ACSS3: variants seen among roughly 807,000 people sequenced by gnomAD.
The protein encoded by ACSS3 is acyl-CoA synthetase short chain family member 3.
In ACSS3, 64 loss-of-function variants were observed where a neutral mutation model predicts 84.2. The observed-to-expected ratio is 0.76, with a 90% CI of 0.62 to 0.94. The LOEUF is 0.94. ACSS3 is among the 40% of genes least tolerant of loss of function. The pLI is 0.00. For missense variants in ACSS3, 815 were observed against 867.6 expected (o/e 0.94, Z 0.76); for synonymous variants, 317 against 310.1 (o/e 1.02, Z -0.23).
chr12:81,223,321 C>T (rs994591659), intron 11 of ACSS3, among the ~76,000 whole-genome samples: 2 of 152,008 alleles, frequency 1.3e-5, no homozygotes, highest in Admixed American at 1.3e-4. Flanking sequence ...TAGTGCCTGA[C>T]AATTTCTCAT....
At position 81,171,982 on chromosome 12, in the gene ACSS3, C is replaced by T. The variant is rs1004715204; in HGVS notation, c.1099-2806C>T. 7.2e-5 allele frequency among the ~76,000 whole-genome samples: 11 copies of T among 152,074 alleles called. No individual in the cohort carries two copies. In the South Asian group the frequency reaches 1.7e-3, roughly 23 times the overall value. On this transcript the variant is annotated intron_variant, in intron 7 of 15. Coordinates refer to ENST00000548058, the MANE Select transcript of ACSS3 (RefSeq NM_024560.4). The stretch of plus-strand genomic sequence containing the variant: ...TAAATATATCTAAATATAGAAAAAG[C>T]GCAGTAAAACTATGGTATCACGCCT...
chr12:81,107,511 C>CACACACACACATAT (rs1403415163), intron 1 of ACSS3, among the ~76,000 whole-genome samples: 1 of 38,828 alleles, frequency 2.6e-5, no homozygotes, highest in African/African-American at 8.5e-5. Context: ...CAAATATATA[C>CACACACACACATAT]ATATATATAT....
At chr12:81,238,539 T>A (rs1007885461) in intron 13 of ACSS3, among the ~76,000 whole-genome samples, 19 of 151,846 alleles carry the variant, frequency 1.3e-4, no homozygotes, top group Non-Finnish European at 1.2e-4. Context: ...TTGATCTAAT[T>A]TTTAATAAAT....
In ACSS3 at chr12:81,245,798, A is replaced by AT. The variant is rs1008458411; in HGVS notation, c.1720-7501dup. Among the ~76,000 whole-genome samples the AT allele has an allele frequency of 1.4e-3, 213 of 151,564 alleles. 3 individuals are homozygous for AT. The highest frequency in any genetic ancestry group is 0.014 in the Admixed American group (209 of 15,238). On this transcript the variant is annotated intron_variant, in intron 13 of 15. Coordinates refer to ENST00000548058, the MANE Select transcript of ACSS3 (RefSeq NM_024560.4). ...AGAATTGTTTCTGTTATTGTTTTTTATTTTTTTTCAGTTTGTTTAACTTTC... is the reference window on the plus strand; with the variant it reads ...AGAATTGTTTCTGTTATTGTTTTTTATTTTTTTTTCAGTTTGTTTAACTTTC...
At chr12:81,078,814 C>T (rs1005063056) in intron 1 of ACSS3, among the ~76,000 whole-genome samples, 4 of 152,150 alleles carry the variant, frequency 2.6e-5, no homozygotes, top group Non-Finnish European at 5.9e-5. Flanking sequence ...AACTAAGTAT[C>T]CTCCTACTAT....
intron 1 of ACSS3, among the ~76,000 whole-genome samples, chr12:81,080,114 T>A (rs545869612): frequency 6.6e-6 from 1 of 152,218 alleles, no homozygotes; most frequent in South Asian, 2.1e-4. Context: ...TGCAGAGAAT[T>A]CAGTTAAGAA....
chr12:81,253,710 T>C (rs2034221323), intron 15 of ACSS3, 40 bp downstream of exon 15: 2 of 1,578,346 alleles, frequency 1.3e-6, no homozygotes, highest in African/African-American at 1.4e-5. Context: ...TTCTAAGATA[T>C]TTTTCTTCAT....
intron 7 of ACSS3, among the ~76,000 whole-genome samples, chr12:81,158,840 AT>A (rs1420810721): frequency 1.3e-5 from 2 of 152,102 alleles, no homozygotes. Context: ...GGTGGTTTGT[AT>A]AAAACTTGCA....
intron 9 of ACSS3, among the ~76,000 whole-genome samples, chr12:81,214,007 C>CTTTCTTTCTTTCT (rs1565724543): frequency 1.4e-5 from 1 of 74,038 alleles, no homozygotes; most frequent in African/African-American, 5.1e-5. Flanking sequence ...TTCTTTCTTT[C>CTTTCTTTCTTTCT]ATCTGTCTGT....
intron 9 of ACSS3, among the ~76,000 whole-genome samples, chr12:81,206,085 C>T (rs1251378515): frequency 6.6e-6 from 1 of 152,110 alleles, no homozygotes; most frequent in Non-Finnish European, 1.5e-5. Flanking sequence ...GCAAATATTC[C>T]TCTGTCTGCA....
intron 8 of ACSS3, among the ~76,000 whole-genome samples, chr12:81,194,342 T>C (rs2031724818): frequency 6.6e-6 from 1 of 151,898 alleles, no homozygotes; most frequent in African/African-American, 2.4e-5. Flanking sequence ...TTATGTTCCT[T>C]AGTATTATAC....
Position 81,253,544 on chromosome 12 carries a change from T to C in ACSS3, c.1869T>C (p.Val623=). The C allele has an allele frequency of 1.9e-6, 3 of 1,613,984 alleles. No individual in the cohort carries two copies. Among genetic ancestry groups the C allele is most frequent in the Non-Finnish European group, 2.5e-6 (3 of 1,179,932 alleles). ...EQVLEEIVKH[V]RQNIGPVAAF... The stretch of plus-strand genomic sequence containing the variant: ...TTTTGGAAGAAATTGTGAAACACGT[T>C]AGACAGAACATTGGCCCTGTGGCTG... The change falls in exon 15 of 16, where the codon GTT becomes GTC. Residue 623 remains valine, a synonymous_variant. Coordinates refer to ENST00000548058, the MANE Select transcript of ACSS3 (RefSeq NM_024560.4).
chr12:81,103,776 G>A (rs1245343668), intron 1 of ACSS3, among the ~76,000 whole-genome samples: 1 of 151,900 alleles, frequency 6.6e-6, no homozygotes, highest in African/African-American at 2.4e-5. Flanking sequence ...CTCTAAAGTT[G>A]CCAACAATTG....
rs183373521 is a variant in ACSS3 at position 81,202,330 on chromosome 12, A to G, written c.1354+2886A>G. Among the ~76,000 whole-genome samples the G allele has an allele frequency of 7.2e-5, 11 of 152,088 alleles. No homozygotes were observed. In the East Asian group the frequency reaches 2.1e-3, roughly 29 times the overall value. On this transcript the variant is annotated intron_variant, in intron 9 of 15. Transcript: ENST00000548058. Reference sequence around the variant, plus strand: ...AAAATAAAAATAAAATAAAATTTCAACCATTCTTTCCTAAGGTGCTATCAA... The same window carrying G: ...AAAATAAAAATAAAATAAAATTTCAGCCATTCTTTCCTAAGGTGCTATCAA...
At chr12:81,175,054 A>C (rs541911243) in intron 8 of ACSS3, 115 bp downstream of exon 8, 145 of 1,157,172 alleles carry the variant, frequency 1.3e-4, no homozygotes, top group Middle Eastern at 8.5e-4. Context: ...CAAAAGATTC[A>C]GAGTGTTATT....
intron 1 of ACSS3, among the ~76,000 whole-genome samples, chr12:81,101,940 T>C (rs1882541348): frequency 1.3e-5 from 2 of 152,160 alleles, no homozygotes; most frequent in African/African-American, 4.8e-5. Flanking sequence ...TATTAATTTG[T>C]AGAAACACTT....
chr12:81,102,870 G>A (rs1882641332), intron 1 of ACSS3, among the ~76,000 whole-genome samples: 1 of 151,974 alleles, frequency 6.6e-6, no homozygotes, highest in Admixed American at 6.6e-5. Flanking sequence ...TGCATTGAGA[G>A]GAGTTAGATG....
intron 13 of ACSS3, among the ~76,000 whole-genome samples, chr12:81,241,084 T>A (rs1312477504): frequency 6.7e-6 from 1 of 148,304 alleles, no homozygotes; most frequent in Non-Finnish European, 1.5e-5. Flanking sequence ...GAATATGTGG[T>A]GTTTGGTTTT....
chr12:81,180,952 T>C (rs1020814799), intron 8 of ACSS3, among the ~76,000 whole-genome samples: 1 of 152,154 alleles, frequency 6.6e-6, no homozygotes, highest in Non-Finnish European at 1.5e-5. Context: ...AAAGAAGAGA[T>C]TTATAGTTTA....
Sources: gnomAD v4.1 joint callset for allele counts (sites outside exome capture counted in the v4.1 genomes callset) on GRCh38, gnomAD v4.1.1 for gene constraint, MANE v1.5 for transcripts, NCBI Gene and HGNC (gene_info 2026-07-23, HGNC 2026-07-21) for gene names.